FOCAD: variants seen among roughly 807,000 people sequenced by gnomAD.
FOCAD encodes focadhesin.
FOCAD carries 198 observed loss-of-function variants against 225.6 expected under a neutral mutation model. The ratio of observed to expected loss-of-function variants is 0.88; its 90% CI spans 0.78 to 0.99. The LOEUF (loss-of-function observed/expected upper bound fraction) is 0.99, where lower values mean the gene tolerates loss of function less well. Among genes scored for constraint, FOCAD ranks in the 50% least tolerant of loss-of-function variants. The probability of loss-of-function intolerance (pLI) is 0.00; values close to 1 mark genes in which losing one functional copy is unlikely to be tolerated. For synonymous variants in FOCAD, 897 were observed against 755.0 expected (o/e 1.19, Z -3.08); for missense variants, 2,713 against 2,123.6 (o/e 1.28, Z -5.46).
At chr9:20,743,192 G>C (rs1827770609) in intron 5 of FOCAD, among the ~76,000 whole-genome samples, 1 of 152,184 alleles carries the variant, frequency 6.6e-6, no homozygotes, top group Non-Finnish European at 1.5e-5. Context: ...CTGATGAGCT[G>C]TGTATGAAAG....
intron 36 of FOCAD, among the ~76,000 whole-genome samples, chr9:20,976,811 T>C (rs769590471): frequency 1.3e-5 from 2 of 152,158 alleles, no homozygotes; most frequent in Non-Finnish European, 2.9e-5. Flanking sequence ...GGGAATGTGG[T>C]ACAGGTTCCA....
chr9:20,765,786 T>C (rs1210440340), intron 7 of FOCAD, among the ~76,000 whole-genome samples: 1 of 152,212 alleles, frequency 6.6e-6, no homozygotes, highest in Non-Finnish European at 1.5e-5. Flanking sequence ...GTGATTCATT[T>C]ATCAGTCCAT....
At chr9:20,874,593 A>T in intron 18 of FOCAD, 88 bp from the exon 19 acceptor site, 1 of 1,454,870 alleles carries the variant, frequency 6.9e-7, no homozygotes, top group East Asian at 2.3e-5. Context: ...CAAAATTTTA[A>T]AATCTTGTCA....
At chr9:20,951,592 C>G (rs993640996) in intron 34 of FOCAD, among the ~76,000 whole-genome samples, 5 of 152,024 alleles carry the variant, frequency 3.3e-5, no homozygotes, top group African/African-American at 1.2e-4. Context: ...TTTTTCTGGC[C>G]TCCGATTTTG....
At chr9:20,878,848 C>T (rs1024832619) in intron 19 of FOCAD, among the ~76,000 whole-genome samples, 2 of 152,152 alleles carry the variant, frequency 1.3e-5, no homozygotes, top group Non-Finnish European at 2.9e-5. Flanking sequence ...GGCCAAAAGC[C>T]TCAGGACCCA....
Position 20,720,414 on chromosome 9 carries a change from G to A in FOCAD, c.167G>A (p.Cys56Tyr). Residue 56 changes from cysteine to tyrosine, a missense_variant, in exon 4 of 44, where the codon TGC becomes TAC. Physicochemically the swap from Cys to Tyr is radical, Grantham distance 194 (BLOSUM62 -2). Transcript: ENST00000338382. ...TTGAACTTGCTGTGGGAGAAGTGTT[G>A]CAGTGACAATGTAGTGGTTCGAACA... is the stretch of plus-strand genomic sequence containing the variant. Reference protein sequence around the residue: ...PALNLLWEKCCSDNVVVRTAC... With the variant: ...PALNLLWEKCYSDNVVVRTAC... 1.9e-6 allele frequency: 3 copies of A among 1,614,102 alleles called. No homozygotes were observed. The highest frequency in any genetic ancestry group is 1.1e-5 in the South Asian group (1 of 91,084).
chr9:20,821,199 A>T lies in FOCAD; in HGVS notation c.1793+128A>T, dbSNP rs1198042869. The T allele has an allele frequency of 5.3e-6, 4 of 748,326 alleles. No homozygotes were observed. The African/African-American group carries it at 5.5e-5, about 10-fold the overall frequency. The allele number at this position is 748,326 out of a possible 1,614,324, so 46.4% of individuals were successfully genotyped here. On this transcript the variant is annotated intron_variant, in intron 14 of 43. Transcript: ENST00000338382. ...ATAAGTACTAATAATTTTTTAACTTAAGTTTTCTGATTATAAAATGTAATA... is the reference window on the plus strand; with the variant it reads ...ATAAGTACTAATAATTTTTTAACTTTAGTTTTCTGATTATAAAATGTAATA...
At position 20,809,618 on chromosome 9, in the gene FOCAD, CTTTTGTCTTACT is replaced by C. The variant is rs1447559697; in HGVS notation, c.1456-10169_1456-10158del. ...GACTATCTTAAAATGTTTCCTTGTT[CTTTTGTCTTACT>C]TTTTGTCTATAGAAACGATTTTTAT... On this transcript the variant is annotated intron_variant, in intron 11 of 43. Coordinates refer to ENST00000338382, the MANE Select transcript of FOCAD (RefSeq NM_001375567.1). Among the ~76,000 whole-genome samples, 3 of 151,930 alleles carry C rather than the reference CTTTTGTCTTACT, an allele frequency of 2.0e-5. No individual in the cohort carries two copies. In the East Asian group the frequency reaches 5.8e-4, roughly 29 times the overall value.
intron 6 of FOCAD, among the ~76,000 whole-genome samples, chr9:20,759,751 A>G (rs1277726112): frequency 2.0e-5 from 3 of 152,190 alleles, no homozygotes; most frequent in Non-Finnish European, 4.4e-5. Flanking sequence ...TGAATATGAG[A>G]AAAGCTGTTA....
chr9:20,840,009 G>A (rs545249561), intron 15 of FOCAD, among the ~76,000 whole-genome samples: 5 of 151,940 alleles, frequency 3.3e-5, no homozygotes, highest in Admixed American at 6.6e-5. Context: ...ATTCTGTTCC[G>A]TTGGTCTATG....
intron 18 of FOCAD, among the ~76,000 whole-genome samples, chr9:20,871,368 T>G (rs1262727480): frequency 6.6e-6 from 1 of 152,078 alleles, no homozygotes; most frequent in Non-Finnish European, 1.5e-5. Flanking sequence ...ACCTAATAGA[T>G]ACATATGCAG....
chr9:20,673,019 A>G (rs1822121351), intron 2 of FOCAD, among the ~76,000 whole-genome samples: 2 of 152,210 alleles, frequency 1.3e-5, no homozygotes, highest in Non-Finnish European at 1.5e-5. Context: ...ACCAGCAGTA[A>G]AGATACTCAG....
At chr9:20,895,833 T>G (rs1223696212) in intron 21 of FOCAD, among the ~76,000 whole-genome samples, 1 of 151,906 alleles carries the variant, frequency 6.6e-6, no homozygotes, top group African/African-American at 2.4e-5. Flanking sequence ...ACAATTTTCT[T>G]TCTTTCTTCC....
chr9:20,844,237 A>G (rs190748267), intron 15 of FOCAD, among the ~76,000 whole-genome samples: 4 of 149,948 alleles, frequency 2.7e-5, no homozygotes, highest in East Asian at 2.0e-4. Context: ...TTAATCATTC[A>G]TGTTTATTTC....
At chr9:20,731,297 C>T (rs1037374185) in intron 4 of FOCAD, among the ~76,000 whole-genome samples, 7 of 151,858 alleles carry the variant, frequency 4.6e-5, no homozygotes, top group Middle Eastern at 3.4e-3. Context: ...TACTTCATTT[C>T]CCAATAGAAT....
intron 11 of FOCAD, among the ~76,000 whole-genome samples, chr9:20,797,578 A>T (rs1203277388): frequency 6.6e-6 from 1 of 152,164 alleles, no homozygotes; most frequent in African/African-American, 2.4e-5. Flanking sequence ...TCTTTGAAGC[A>T]ATTATGAATG....
At position 20,781,844 on chromosome 9, in the gene FOCAD, A is replaced by G; in HGVS notation, c.1112A>G (p.Asp371Gly). Reference protein sequence around the residue: ...STALEDCISVDEEGPSRQQLA... With the variant: ...STALEDCISVGEEGPSRQQLA... ...GCCTTGGAAGACTGTATATCTGTGG[A>G]TGAAGAAGGTCCCTCTAGGCAGCAG... The change falls in exon 10 of 44, where the codon GAT becomes GGT. Residue 371 changes from aspartate to glycine, a missense_variant. Transcript: ENST00000338382. The G allele has an allele frequency of 6.2e-7, 1 of 1,614,146 alleles. No individual in the cohort carries two copies. Among genetic ancestry groups the G allele is most frequent in the East Asian group, 2.2e-5 (1 of 44,864 alleles).
chr9:20,664,728 C>T (rs927436042), intron 2 of FOCAD, among the ~76,000 whole-genome samples: 3 of 150,946 alleles, frequency 2.0e-5, no homozygotes, highest in Admixed American at 6.6e-5. Flanking sequence ...ATCCTCCTGA[C>T]TTAGCATCCC....
chr9:20,756,548 G>A (rs1475660), intron 5 of FOCAD, among the ~76,000 whole-genome samples: 100,145 of 152,058 alleles, frequency 0.66, 33,278 homozygotes, highest in South Asian at 0.71. Flanking sequence ...ATTCCTAGCA[G>A]TCTAAGATAA....
Sources: allele counts gnomAD v4.1 joint callset (sites outside exome capture counted in the v4.1 genomes callset), GRCh38; gene constraint gnomAD v4.1.1; transcripts MANE v1.5; gene names NCBI Gene and HGNC (gene_info 2026-07-23, HGNC 2026-07-21).